The following CSMD1 variants were observed in gnomAD, a reference collection of about 807,000 sequenced individuals.
CSMD1 encodes the protein CUB and Sushi multiple domains 1, also known as CUB and sushi domain-containing protein 1.
CSMD1 carries 213 observed loss-of-function variants against 417.5 expected under a neutral mutation model. That is an observed-to-expected ratio of 0.51 (90% CI 0.46 to 0.57). The LOEUF is 0.57. Among genes scored for constraint, CSMD1 ranks in the 20% least tolerant of loss-of-function variants. The pLI is 0.00. For missense variants in CSMD1, 6,923 were observed against 4,529.7 expected (o/e 1.53, Z -15.17); for synonymous variants, 2,862 against 1,736.8 (o/e 1.65, Z -16.11).
At chr8:3,717,658 G>A (rs1290345444) in intron 6 of CSMD1, among the ~76,000 whole-genome samples, 1 of 152,120 alleles carries the variant, frequency 6.6e-6, no homozygotes, top group African/African-American at 2.4e-5. Flanking sequence ...TATTATTAAT[G>A]CTATGTGCAT....
chr8:4,610,794 A>G (rs1432250075), intron 2 of CSMD1, among the ~76,000 whole-genome samples: 3 of 152,198 alleles, frequency 2.0e-5, no homozygotes, highest in Non-Finnish European at 4.4e-5. Context: ...ATTGCCTTTC[A>G]CAAGAGTTCA....
At chr8:3,481,676 G>A (rs144250504) in intron 11 of CSMD1, among the ~76,000 whole-genome samples, 110 of 152,316 alleles carry the variant, frequency 7.2e-4, no homozygotes, top group African/African-American at 2.6e-3. Context: ...ATAAGAGAGA[G>A]GCAGAGGGAG....
At chr8:3,289,361 C>T (rs900525395) in intron 25 of CSMD1, among the ~76,000 whole-genome samples, 1 of 147,306 alleles carries the variant, frequency 6.8e-6, no homozygotes. Flanking sequence ...ATGGCTGGGT[C>T]AAATGGTATT....
intron 50 of CSMD1, among the ~76,000 whole-genome samples, chr8:3,052,124 A>G (rs552611311): frequency 6.6e-6 from 1 of 152,160 alleles, no homozygotes; most frequent in Admixed American, 6.5e-5. Context: ...CATCTTGAGT[A>G]CAGTCTTATT....
intron 37 of CSMD1, among the ~76,000 whole-genome samples, chr8:3,165,178 T>C (rs1820130679): frequency 6.6e-6 from 1 of 152,012 alleles, no homozygotes; most frequent in Non-Finnish European, 1.5e-5. Context: ...ACACACCCAG[T>C]ATATGTTAGA....
chr8:3,798,364 T>C (rs1213811444), intron 5 of CSMD1, among the ~76,000 whole-genome samples: 1 of 152,058 alleles, frequency 6.6e-6, no homozygotes, highest in Non-Finnish European at 1.5e-5. Context: ...TCTCTTACAT[T>C]AGCCTCTAGT....
intron 2 of CSMD1, among the ~76,000 whole-genome samples, chr8:4,630,663 G>T (rs1213211695): frequency 1.3e-5 from 2 of 152,020 alleles, no homozygotes; most frequent in African/African-American, 4.8e-5. Flanking sequence ...CCTAATTATG[G>T]GAACATTATA....
At chr8:3,302,789 T>C (rs934982457) in intron 25 of CSMD1, among the ~76,000 whole-genome samples, 1 of 152,226 alleles carries the variant, frequency 6.6e-6, no homozygotes, top group East Asian at 1.9e-4. Flanking sequence ...TCTCACAGTT[T>C]ATGTACCATG....
intron 26 of CSMD1, among the ~76,000 whole-genome samples, chr8:3,277,867 C>T (rs1042216242): frequency 6.6e-6 from 1 of 152,160 alleles, no homozygotes; most frequent in Non-Finnish European, 1.5e-5. Flanking sequence ...CATGGAATTG[C>T]CAACATTCCA....
chr8:4,461,772 GCT>G (rs1563201288), intron 2 of CSMD1, among the ~76,000 whole-genome samples: 2 of 134,612 alleles, frequency 1.5e-5, no homozygotes, highest in Admixed American at 8.2e-5. Context: ...ATGGAGTCTC[GCT>G]CTGTCACCCA....
At chr8:3,572,337 T>A (rs1457163516) in intron 10 of CSMD1, among the ~76,000 whole-genome samples, 1 of 152,114 alleles carries the variant, frequency 6.6e-6, no homozygotes, top group Non-Finnish European at 1.5e-5. Context: ...GGGCTGAGGC[T>A]CTGCCACTGT....
intron 4 of CSMD1, among the ~76,000 whole-genome samples, chr8:4,002,348 G>C (rs373891877): frequency 1.3e-5 from 2 of 152,100 alleles, no homozygotes; most frequent in African/African-American, 2.4e-5. Flanking sequence ...ATTTTTGTAA[G>C]GGATTTTACT....
In CSMD1 at chr8:4,994,689, C is replaced by A; in HGVS notation, c.-273G>T. 2.5e-6 allele frequency: 1 copy of A among 399,724 alleles called. No homozygotes were observed. Among genetic ancestry groups the A allele is most frequent in the Non-Finnish European group, 4.5e-6 (1 of 223,316 alleles). The allele number at this position is 399,724 out of a possible 1,614,324, so 24.8% of individuals were successfully genotyped here. ...GGGCCGGGGACGAGCGCCGGCCGAG[C>A]CGGGCAGGAAGGCACCAAGGCGGCG... On this transcript the variant is annotated 5_prime_UTR_variant, in exon 1 of 70. Coordinates refer to ENST00000635120, the MANE Select transcript of CSMD1 (RefSeq NM_033225.6).
intron 5 of CSMD1, among the ~76,000 whole-genome samples, chr8:3,797,169 G>C (rs752365480): frequency 1.8e-4 from 27 of 151,822 alleles, no homozygotes; most frequent in Non-Finnish European, 3.5e-4. Flanking sequence ...GAATTTCAAA[G>C]TCTATTCAAC....
intron 9 of CSMD1, among the ~76,000 whole-genome samples, chr8:3,579,198 C>G (rs116595140): frequency 6.6e-6 from 1 of 152,030 alleles, no homozygotes; most frequent in South Asian, 2.1e-4. Context: ...AAATATAAAA[C>G]GTCAGGAGGG....
chr8:2,992,870 T>G (rs1239397815), intron 54 of CSMD1, among the ~76,000 whole-genome samples: 1 of 152,032 alleles, frequency 6.6e-6, no homozygotes, highest in Non-Finnish European at 1.5e-5. Flanking sequence ...CCTAGGTAGG[T>G]GGAACTACGG....
intron 2 of CSMD1, among the ~76,000 whole-genome samples, chr8:4,568,212 A>G (rs1000319547): frequency 3.3e-5 from 5 of 152,234 alleles, no homozygotes; most frequent in African/African-American, 1.2e-4. Flanking sequence ...ATGGGTATAC[A>G]TGTTTACTGC....
intron 12 of CSMD1, among the ~76,000 whole-genome samples, chr8:3,451,133 A>T (rs1585183609): frequency 6.6e-6 from 1 of 152,250 alleles, no homozygotes; most frequent in East Asian, 1.9e-4. Context: ...GTGTCTGTTC[A>T]TATCCTTCGC....
intron 52 of CSMD1, among the ~76,000 whole-genome samples, chr8:3,008,439 C>T (rs574647122): frequency 7.0e-4 from 106 of 152,324 alleles, no homozygotes; most frequent in African/African-American, 2.3e-3. Context: ...CAGGGGCCTC[C>T]GCAAGGCCAG....
Sources: allele counts gnomAD v4.1 joint callset (sites outside exome capture counted in the v4.1 genomes callset), GRCh38; gene constraint gnomAD v4.1.1; transcripts MANE v1.5; gene names NCBI Gene and HGNC (gene_info 2026-07-23, HGNC 2026-07-21).